NUP210: variants seen among roughly 807,000 people sequenced by gnomAD.
The protein encoded by NUP210 is nuclear pore membrane glycoprotein 210.
A neutral mutation model predicts 196.0 loss-of-function variants in NUP210; 151 were observed. That is an observed-to-expected ratio of 0.77 (90% CI 0.67 to 0.88). NUP210 has a LOEUF of 0.88. Among genes scored for constraint, NUP210 ranks in the 40% least tolerant of loss-of-function variants. The pLI is 0.00. For synonymous variants in NUP210, 1,070 were observed against 1,052.7 expected (o/e 1.02, Z -0.32); for missense variants, 2,314 against 2,493.7 (o/e 0.93, Z 1.53).
At chr3:13,357,128 A>G (rs1698194901) in intron 16 of NUP210, among the ~76,000 whole-genome samples, 1 of 152,232 alleles carries the variant, frequency 6.6e-6, no homozygotes, top group African/African-American at 2.4e-5. Flanking sequence ...CGAGTCTGCA[A>G]GAGTCAAGGG....
rs2124860139 is a variant in NUP210 at position 13,340,762 on chromosome 3, A to C, written c.3229-464T>G. 6.6e-6 allele frequency among the ~76,000 whole-genome samples: 1 copy of C among 152,168 alleles called. No individual in the cohort carries two copies. The highest frequency in any genetic ancestry group is 2.1e-4 in the South Asian group (1 of 4,816). Reference sequence around the variant, plus strand: ...CCGATATGGGAGCACCCAGACCCCCAGAGGTTGCTCTTCTAGCACACCCTC... The same window carrying C: ...CCGATATGGGAGCACCCAGACCCCCCGAGGTTGCTCTTCTAGCACACCCTC... On this transcript the variant is annotated intron_variant, in intron 23 of 39. Coordinates refer to ENST00000254508, the MANE Select transcript of NUP210 (RefSeq NM_024923.4). This position sits in a 1 kb window ranked among gnomAD's most constrained non-coding sequence, Gnocchi z 4.0.
intron 28 of NUP210, among the ~76,000 whole-genome samples, chr3:13,333,373 G>A (rs1697078627): frequency 6.6e-6 from 1 of 152,228 alleles, no homozygotes; most frequent in African/African-American, 2.4e-5. Flanking sequence ...TGTGCCCTGA[G>A]CTCTCCACTG....
chr3:13,385,050 A>C lies in NUP210; in HGVS notation c.817+1225T>G, dbSNP rs1001837193. ...AGAAACATGAGTTTGCTTCTCTTCAACTAGGACCCCCTTGCCAGAAAGAAC... is the reference window on the plus strand; with the variant it reads ...AGAAACATGAGTTTGCTTCTCTTCACCTAGGACCCCCTTGCCAGAAAGAAC... On this transcript the variant is annotated intron_variant, in intron 6 of 39. Coordinates refer to ENST00000254508, the MANE Select transcript of NUP210 (RefSeq NM_024923.4). Among the ~76,000 whole-genome samples the C allele has an allele frequency of 2.0e-5, 3 of 152,282 alleles. No individual in the cohort carries two copies. The South Asian group carries it at 6.2e-4, about 32-fold the overall frequency.
chr3:13,322,367 G>A (rs778436380), intron 34 of NUP210, 28 bp from the exon 35 acceptor site: 1 of 1,611,012 alleles, frequency 6.2e-7, no homozygotes. Flanking sequence ...GAGAGGGTGT[G>A]GGCCAGGCCC....
intron 5 of NUP210, among the ~76,000 whole-genome samples, chr3:13,386,788 C>T (rs1699292555): frequency 6.6e-6 from 1 of 152,132 alleles, no homozygotes; most frequent in Non-Finnish European, 1.5e-5. Flanking sequence ...ACTTGAGAAG[C>T]CCCAGGCCAA....
intron 1 of NUP210, among the ~76,000 whole-genome samples, chr3:13,416,283 C>T (rs907707552): frequency 2.2e-5 from 3 of 139,384 alleles, no homozygotes; most frequent in African/African-American, 6.5e-5. Context: ...GTATGGCAGT[C>T]ACTGTGCATG....
chr3:13,353,225 C>T (rs903347552), intron 18 of NUP210, among the ~76,000 whole-genome samples: 4 of 152,186 alleles, frequency 2.6e-5, no homozygotes, highest in African/African-American at 7.2e-5. Context: ...AATACAGTTA[C>T]AGTCCCACCT....
At position 13,327,334 on chromosome 3, in the gene NUP210, G is replaced by C; in HGVS notation, c.4390C>G (p.Pro1464Ala). 1.9e-6 allele frequency: 3 copies of C among 1,613,374 alleles called. No homozygotes were observed. Among genetic ancestry groups the C allele is most frequent in the Non-Finnish European group, 2.5e-6 (3 of 1,180,006 alleles). The change falls in exon 32 of 40, where the codon CCG becomes GCG. Residue 1464 changes from proline (P) to alanine (A), a missense_variant. Pro to Ala is a conservative substitution (Grantham distance 27). Coordinates refer to ENST00000254508, the MANE Select transcript of NUP210 (RefSeq NM_024923.4). The stretch of plus-strand genomic sequence containing the variant: ...AGGGGCATGAAGTCCGAGAGGCCCG[G>C]GTGCTCTGCGTCCCACACACGGAGC... Reference protein sequence around the residue: ...TLLRVWDAEHPGLSDFMPLPV... With the variant: ...TLLRVWDAEHAGLSDFMPLPV...
chr3:13,355,623 C>T (rs552339348), intron 16 of NUP210, among the ~76,000 whole-genome samples: 28 of 152,364 alleles, frequency 1.8e-4, no homozygotes, highest in African/African-American at 6.3e-4. Context: ...CTCCTCCCAA[C>T]TCCTTCTAGC....
chr3:13,332,271 A>C (rs1697026146), intron 29 of NUP210, 22 bp downstream of exon 29: 1 of 1,600,126 alleles, frequency 6.2e-7, no homozygotes, highest in Non-Finnish European at 8.6e-7. Flanking sequence ...ACTTTGCTGG[A>C]AACAAGAGCT....
At chr3:13,409,697 C>T (rs1296796734) in intron 1 of NUP210, among the ~76,000 whole-genome samples, 1 of 152,124 alleles carries the variant, frequency 6.6e-6, no homozygotes, top group Non-Finnish European at 1.5e-5. Context: ...CACTCTCCTG[C>T]TCCCTTGTGC....
chr3:13,416,669 T>G (rs1700357382), intron 1 of NUP210, among the ~76,000 whole-genome samples: 1 of 152,166 alleles, frequency 6.6e-6, no homozygotes, highest in South Asian at 2.1e-4. Flanking sequence ...TGGGACTCCA[T>G]GACAGGGAAA....
At chr3:13,355,848 C>A (rs113016611) in intron 16 of NUP210, among the ~76,000 whole-genome samples, 2,615 of 152,328 alleles carry the variant, frequency 0.017, 41 homozygotes, top group East Asian at 0.026. Context: ...AATGCTCCTC[C>A]AGGGAAGGAA....
chr3:13,397,747 A>T (rs548511272), intron 2 of NUP210, among the ~76,000 whole-genome samples: 2 of 152,156 alleles, frequency 1.3e-5, no homozygotes, highest in South Asian at 2.1e-4. Context: ...GGCAAAAAAA[A>T]CTCCAGGAAA....
chr3:13,389,288 G>A (rs1049159964), intron 4 of NUP210, among the ~76,000 whole-genome samples: 1 of 152,220 alleles, frequency 6.6e-6, no homozygotes, highest in African/African-American at 2.4e-5. Context: ...AGCTCAAGGG[G>A]TGGGGAATGG....
chr3:13,361,446 T>C (rs1010106096), intron 14 of NUP210, among the ~76,000 whole-genome samples: 2 of 152,168 alleles, frequency 1.3e-5, no homozygotes, highest in African/African-American at 4.8e-5. Context: ...GCTTAGATTC[T>C]ATGTAACAGG....
rs370009054 is a variant in NUP210, at chr3:13,342,088, G to A, written c.3000C>T (p.Arg1000=). ...AGGGCTTCTTGTGCAAGTCCAGCAC[G>A]CGGACGTATGCCTTCACTGTCTTCC... is the stretch of plus-strand genomic sequence containing the variant. ...EIGKTVKAYV[R]VLDLHKKPFL... The change falls in exon 22 of 40, where the codon CGC becomes CGT. Residue 1000 remains arginine (R), a synonymous_variant. Coordinates refer to ENST00000254508, the MANE Select transcript of NUP210 (RefSeq NM_024923.4). The A allele has an allele frequency of 3.7e-5, 60 of 1,614,036 alleles. No homozygotes were observed. The Middle Eastern group carries it at 4.9e-4, about 13-fold the overall frequency.
intron 1 of NUP210, among the ~76,000 whole-genome samples, 158 bp from the exon 2 acceptor site, chr3:13,400,019 C>T (rs984128171): frequency 7.9e-5 from 12 of 152,162 alleles, no homozygotes; most frequent in Admixed American, 1.3e-4. Flanking sequence ...CCAGAGGAGA[C>T]GTGGGGCCCT....
rs1271832779 is a variant in NUP210, at chr3:13,321,783, C to G, written c.4968G>C (p.Lys1656Asn). 6.2e-7 allele frequency: 1 copy of G among 1,611,794 alleles called. No homozygotes were observed. Among genetic ancestry groups the G allele is most frequent in the Non-Finnish European group, 8.5e-7 (1 of 1,179,998 alleles). Residue 1656 changes from lysine to asparagine, a missense_variant, in exon 36 of 40, where the codon AAG becomes AAC. Physicochemically the swap from Lys to Asn is moderately conservative, Grantham distance 94. Transcript: ENST00000254508. ...GAGCTGTCTTCTTCATGCTCAGGTG[C>G]TTCCGCTGCTTGTCCGTCAGCCTGT... ...TMHRLTDKQR[K>N]HLSMKKTALV...
Sources: allele counts gnomAD v4.1 joint callset (sites outside exome capture counted in the v4.1 genomes callset), GRCh38; gene constraint gnomAD v4.1.1; non-coding constraint Gnocchi (gnomAD v3.1); transcripts MANE v1.5; gene names NCBI Gene and HGNC (gene_info 2026-07-23, HGNC 2026-07-21).